CCM2: variants seen among roughly 807,000 people sequenced by gnomAD.
CCM2 encodes the protein CCM2 scaffold protein, also known as cerebral cavernous malformations 2 protein.
In CCM2, 25 loss-of-function variants were observed where a neutral mutation model predicts 44.9. The observed-to-expected ratio is 0.56, with a 90% CI of 0.41 to 0.78. The LOEUF (loss-of-function observed/expected upper bound fraction) is 0.78. Ranked by LOEUF, CCM2 falls within the 30% of genes least tolerant of loss-of-function variation. CCM2 has a pLI of 0.00. For synonymous variants in CCM2, 219 were observed against 241.1 expected (o/e 0.91, Z 0.85); for missense variants, 481 against 580.6 (o/e 0.83, Z 1.76).
chr7:45,027,647 T>C, intron 1 of CCM2: 1 of 1,613,824 alleles, frequency 6.2e-7, no homozygotes, highest in Non-Finnish European at 8.5e-7. Flanking sequence ...CATGTTTTTT[T>C]CAGAGGGAGG....
intron 2 of CCM2, among the ~76,000 whole-genome samples, chr7:45,046,005 C>T (rs12531202): frequency 6.6e-6 from 1 of 152,180 alleles, no homozygotes; most frequent in African/African-American, 2.4e-5. Flanking sequence ...GAGAGACACA[C>T]TGAATTCATG....
chr7:45,029,078 C>G (rs1796834518), intron 1 of CCM2, among the ~76,000 whole-genome samples: 1 of 152,190 alleles, frequency 6.6e-6, no homozygotes, highest in Non-Finnish European at 1.5e-5. Flanking sequence ...GGTGCCTCTT[C>G]CAGTCATTTT....
chr7:45,039,888 G>T (rs1219025744), intron 2 of CCM2, among the ~76,000 whole-genome samples: 1 of 151,938 alleles, frequency 6.6e-6, no homozygotes, highest in Non-Finnish European at 1.5e-5. Context: ...TTAGCCGGGC[G>T]TGGTGGCAGG....
At chr7:45,043,396 CAT>C (rs1205884487) in intron 2 of CCM2, among the ~76,000 whole-genome samples, 1 of 152,144 alleles carries the variant, frequency 6.6e-6, no homozygotes, top group Admixed American at 6.6e-5. Flanking sequence ...TATTAGGTAA[CAT>C]ATTCAGCAAT....
Position 45,019,179 on chromosome 7 carries a change from C to G in CCM2, c.30+18816C>G, listed in dbSNP as rs181728830. ...CTCCGCCTCCCGGGTTCAAGTGATTCTCCTGCCTCAGCCTCCTGAGTAGCC... is the reference window on the plus strand; with the variant it reads ...CTCCGCCTCCCGGGTTCAAGTGATTGTCCTGCCTCAGCCTCCTGAGTAGCC... On this transcript the variant is annotated intron_variant, in intron 1 of 9. Coordinates refer to ENST00000258781, the MANE Select transcript of CCM2 (RefSeq NM_031443.4). Among the ~76,000 whole-genome samples, 495 of 149,634 alleles carry G rather than the reference C, an allele frequency of 3.3e-3. 3 individuals carry two copies. Among genetic ancestry groups the G allele is most frequent in the African/African-American group, 0.012 (468 of 40,594 alleles).
At chr7:45,016,542 C>G (rs1189798921) in intron 1 of CCM2, among the ~76,000 whole-genome samples, 2 of 151,282 alleles carry the variant, frequency 1.3e-5, no homozygotes, top group African/African-American at 2.4e-5. Context: ...ATTGGTCAGG[C>G]TGGTCTTGAA....
At chr7:45,038,566 A>G (rs989201279) in intron 2 of CCM2, 140 bp downstream of exon 2, 14 of 865,172 alleles carry the variant, frequency 1.6e-5, no homozygotes, top group East Asian at 7.8e-5. Context: ...TGTCTTGTCT[A>G]TGCTGATAAA....
chr7:45,008,356 CTTTTTTTTTTTTT>C (rs59435094), intron 1 of CCM2, among the ~76,000 whole-genome samples: 12,105 of 114,760 alleles, frequency 0.11, 616 homozygotes, highest in Middle Eastern at 0.13. Context: ...GGTACATGTT[CTTTTTTTTTTTTT>C]TTTTTTTTTT....
intron 2 of CCM2, among the ~76,000 whole-genome samples, chr7:45,054,998 C>T (rs1227172373): frequency 1.3e-5 from 2 of 152,140 alleles, no homozygotes; most frequent in Non-Finnish European, 1.5e-5. Context: ...ATAAATATTT[C>T]ACAGTGAAAA....
chr7:45,013,730 G>T (rs1796153064), intron 1 of CCM2, among the ~76,000 whole-genome samples: 1 of 152,086 alleles, frequency 6.6e-6, no homozygotes, highest in South Asian at 2.1e-4. Context: ...GTCTCTTTAG[G>T]CTCTTTGAAC....
intron 1 of CCM2, among the ~76,000 whole-genome samples, chr7:45,012,438 A>G (rs908682439): frequency 1.7e-4 from 26 of 152,122 alleles, no homozygotes; most frequent in Non-Finnish European, 2.9e-4. Flanking sequence ...CCAGCCCATA[A>G]TGTCTTGTTG....
At chr7:45,043,436 G>T (rs553658254) in intron 2 of CCM2, among the ~76,000 whole-genome samples, 1 of 152,178 alleles carries the variant, frequency 6.6e-6, no homozygotes. Flanking sequence ...TACTGTGGCT[G>T]TGAGAATAAA....
intron 2 of CCM2, among the ~76,000 whole-genome samples, chr7:45,049,929 C>T (rs1015537551): frequency 2.0e-5 from 3 of 152,190 alleles, no homozygotes; most frequent in Non-Finnish European, 2.9e-5. Context: ...CAACTATTTA[C>T]ATAACATTTA....
At chr7:45,038,932 A>G (rs1797351483) in intron 2 of CCM2, among the ~76,000 whole-genome samples, 1 of 152,270 alleles carries the variant, frequency 6.6e-6, no homozygotes, top group African/African-American at 2.4e-5. Context: ...AAATGAAAAT[A>G]TATGAATAAA....
intron 2 of CCM2, among the ~76,000 whole-genome samples, chr7:45,041,970 C>G (rs537498508): frequency 1.7e-4 from 26 of 152,228 alleles, no homozygotes; most frequent in Admixed American, 1.3e-3. Context: ...ACCTTTGACC[C>G]CTACTTGGTG....
intron 6 of CCM2, chr7:45,072,037 C>G (rs1583989153): frequency 2.8e-6 from 1 of 363,596 alleles, no homozygotes; most frequent in East Asian, 7.4e-5. Flanking sequence ...TCTCCCTCTG[C>G]TTCATTTAAA....
chr7:45,004,589 A>T (rs911417004), intron 1 of CCM2, among the ~76,000 whole-genome samples: 3 of 152,242 alleles, frequency 2.0e-5, no homozygotes, highest in Non-Finnish European at 4.4e-5. Flanking sequence ...CCAGGAAGCC[A>T]TACCTTCTCC....
At chr7:45,018,194 A>G (rs1796341968) in intron 1 of CCM2, among the ~76,000 whole-genome samples, 1 of 152,126 alleles carries the variant, frequency 6.6e-6, no homozygotes, top group Non-Finnish European at 1.5e-5. Context: ...GGCGGGGCTC[A>G]GGTGGTAATG....
At chr7:45,075,242 G>A (rs931639723) in intron 9 of CCM2, among the ~76,000 whole-genome samples, 120 of 152,232 alleles carry the variant, frequency 7.9e-4, no homozygotes, top group African/African-American at 2.8e-3. Flanking sequence ...CCTCCACATC[G>A]GGGAGTAGAG....
Sources: gnomAD v4.1 joint callset for allele counts (sites outside exome capture counted in the v4.1 genomes callset) on GRCh38, gnomAD v4.1.1 for gene constraint, MANE v1.5 for transcripts, NCBI Gene and HGNC (gene_info 2026-07-23, HGNC 2026-07-21) for gene names.